Variants in ROBO1 observed in about 807,000 individuals in gnomAD.
ROBO1 encodes roundabout homolog 1.
ROBO1 carries 149 observed loss-of-function variants against 195.9 expected under a neutral mutation model. That is an observed-to-expected ratio of 0.76 (90% CI 0.67 to 0.87). The LOEUF (loss-of-function observed/expected upper bound fraction) is 0.87, where lower values mean the gene tolerates loss of function less well. Among genes scored for constraint, ROBO1 ranks in the 40% least tolerant of loss-of-function variants. The pLI is 0.00. For missense variants in ROBO1, 1,933 were observed against 2,068.3 expected (o/e 0.93, Z 1.27); for synonymous variants, 816 against 733.2 (o/e 1.11, Z -1.82).
At chr3:78,932,448 G>A (rs1025978928) in intron 4 of ROBO1, among the ~76,000 whole-genome samples, 8 of 152,098 alleles carry the variant, frequency 5.3e-5, no homozygotes, top group South Asian at 2.1e-4. Context: ...AATAAAATAC[G>A]TCACCCTTAA....
At chr3:79,577,781 G>A (rs1376460947) in intron 2 of ROBO1, among the ~76,000 whole-genome samples, 2 of 151,210 alleles carry the variant, frequency 1.3e-5, no homozygotes, top group East Asian at 1.9e-4. Context: ...GCATGGTGGC[G>A]GGAGCCTGTA....
chr3:78,779,815 T>C (rs568475766), intron 4 of ROBO1, among the ~76,000 whole-genome samples: 4 of 152,310 alleles, frequency 2.6e-5, no homozygotes, highest in South Asian at 2.1e-4. Flanking sequence ...CATATGTTTA[T>C]TGCAACACTG....
At chr3:79,125,579 T>C in intron 2 of ROBO1, 40 bp from the exon 3 acceptor site, 2 of 1,470,368 alleles carry the variant, frequency 1.4e-6, no homozygotes, top group Non-Finnish European at 1.9e-6. Context: ...GGGGTCACAG[T>C]AGTAACAGTA....
chr3:79,659,620 A>C (rs920367227), intron 1 of ROBO1, among the ~76,000 whole-genome samples: 2 of 146,160 alleles, frequency 1.4e-5, no homozygotes, highest in Admixed American at 1.4e-4. Context: ...AGAAAAAAAA[A>C]ACACAATATT....
At chr3:78,827,244 T>C (rs1454878680) in intron 4 of ROBO1, among the ~76,000 whole-genome samples, 7 of 152,224 alleles carry the variant, frequency 4.6e-5, no homozygotes, top group Admixed American at 4.6e-4. Context: ...ATGATTAAAC[T>C]ATATATTTTA....
In ROBO1 at chr3:78,945,269, C is replaced by G. The variant is rs549230540; in HGVS notation, c.173-6342G>C. ...AGTAGCCTAACTGGGAGGCACCCCC[C>G]AGTAGGGGCGGACTGACACCTCACA... On this transcript the variant is annotated intron_variant, in intron 3 of 30. Transcript: ENST00000464233. Among the ~76,000 whole-genome samples the G allele has an allele frequency of 3.8e-3, 581 of 152,282 alleles. 2 individuals are homozygous for G. The highest frequency in any genetic ancestry group is 0.014 in the African/African-American group (564 of 41,544).
intron 2 of ROBO1, among the ~76,000 whole-genome samples, chr3:79,566,446 T>G (rs905002053): frequency 6.6e-6 from 1 of 152,142 alleles, no homozygotes; most frequent in African/African-American, 2.4e-5. Context: ...AGTCTGGATT[T>G]AGTTAAATGT....
chr3:78,679,386 G>T (rs926328969), intron 10 of ROBO1, among the ~76,000 whole-genome samples: 13 of 152,266 alleles, frequency 8.5e-5, no homozygotes, highest in African/African-American at 2.6e-4. Context: ...AAGTCAAATT[G>T]TCCCTGTTTG....
At chr3:78,683,369 T>A (rs2080976546) in intron 10 of ROBO1, among the ~76,000 whole-genome samples, 1 of 152,084 alleles carries the variant, frequency 6.6e-6, no homozygotes, top group African/African-American at 2.4e-5. Flanking sequence ...TATTCAGATT[T>A]TTTTGTTTGT....
rs866258453 is a variant in ROBO1 at position 79,315,258 on chromosome 3, A to G, written c.89-189719T>C. 1.0e-3 allele frequency among the ~76,000 whole-genome samples: 153 copies of G among 152,300 alleles called. 1 individual carries two copies. The highest frequency in any genetic ancestry group is 3.1e-3 in the African/African-American group (127 of 41,576). Reference sequence around the variant, plus strand: ...GGAGTTCAGTACCAGCCTGGGCCACAAAGGGTGATCTCATCTTTATAAGAA... The same window carrying G: ...GGAGTTCAGTACCAGCCTGGGCCACGAAGGGTGATCTCATCTTTATAAGAA... On this transcript the variant is annotated intron_variant, in intron 2 of 30. Coordinates refer to ENST00000464233, the MANE Select transcript of ROBO1 (RefSeq NM_002941.4).
rs1293860349 is a variant in ROBO1, at chr3:78,767,744, T to C, written c.500-20844A>G. On this transcript the variant is annotated intron_variant, in intron 4 of 30. Coordinates refer to ENST00000464233, the MANE Select transcript of ROBO1 (RefSeq NM_002941.4). The stretch of plus-strand genomic sequence containing the variant: ...TTCATAGTAACCTCAAATGATCTTT[T>C]GTATTTCAGTGGTGTCAGTTATAGT... Among the ~76,000 whole-genome samples, 4 of 152,176 alleles carry C rather than the reference T, an allele frequency of 2.6e-5. No individual in the cohort carries two copies. In the East Asian group the frequency reaches 7.7e-4, roughly 29 times the overall value.
chr3:79,254,225 TA>T (rs2082784709), intron 2 of ROBO1, among the ~76,000 whole-genome samples: 1 of 152,208 alleles, frequency 6.6e-6, no homozygotes, highest in Non-Finnish European at 1.5e-5. Flanking sequence ...TTATGTTTGA[TA>T]TCAACAATAT....
chr3:79,316,183 T>C (rs891898611), intron 2 of ROBO1, among the ~76,000 whole-genome samples: 1 of 152,134 alleles, frequency 6.6e-6, no homozygotes, highest in Non-Finnish European at 1.5e-5. Context: ...AAGGAGATGA[T>C]TGGTTTTCTT....
Position 78,597,667 on chromosome 3 carries a change from A to C in ROBO1, c.*1246T>G, listed in dbSNP as rs894625402. The C allele has an allele frequency of 2.6e-5, 4 of 152,304 alleles. No homozygotes were observed. The highest frequency in any genetic ancestry group is 4.4e-5 in the Non-Finnish European group (3 of 68,004). The allele number at this position is 152,304 out of a possible 1,614,324, so 9.4% of individuals were successfully genotyped here. On this transcript the variant is annotated 3_prime_UTR_variant, in exon 31 of 31. Transcript: ENST00000464233. Reference sequence around the variant, plus strand: ...TGAAAGCAAGTAATGCCTCTATTAGAGATTTTAAGGAAATCTTGTAGGTTT... The same window carrying C: ...TGAAAGCAAGTAATGCCTCTATTAGCGATTTTAAGGAAATCTTGTAGGTTT...
intron 4 of ROBO1, among the ~76,000 whole-genome samples, chr3:78,884,603 GAGAA>G (rs1213591891): frequency 7.8e-6 from 1 of 128,862 alleles, no homozygotes; most frequent in South Asian, 2.4e-4. Flanking sequence ...GAAAGAAAGA[GAGAA>G]AGAGAGAAAG....
At chr3:79,284,088 G>T (rs2031726687) in intron 2 of ROBO1, among the ~76,000 whole-genome samples, 1 of 151,732 alleles carries the variant, frequency 6.6e-6, no homozygotes. Flanking sequence ...GTATATATAT[G>T]CATGTATATA....
chr3:78,743,841 T>G (rs1049475577), intron 5 of ROBO1, among the ~76,000 whole-genome samples: 4 of 152,094 alleles, frequency 2.6e-5, no homozygotes, highest in Admixed American at 2.6e-4. Flanking sequence ...TTAATTTCTT[T>G]AATTGTCACT....
rs143189968 is a variant in ROBO1, at chr3:78,677,449, C to T, written c.1343-7148G>A. On this transcript the variant is annotated intron_variant, in intron 10 of 30. Coordinates refer to ENST00000464233, the MANE Select transcript of ROBO1 (RefSeq NM_002941.4). ...AACCCATCTCACATGCAGAGACACA[C>T]ACAGGCTCAAAATAAAAGGATGGAG... Among the ~76,000 whole-genome samples, 348 of 152,128 alleles carry T rather than the reference C, an allele frequency of 2.3e-3. 8 individuals carry two copies. The highest frequency in any genetic ancestry group is 3.4e-3 in the Middle Eastern group (1 of 294).
chr3:78,813,798 T>A (rs1409215156), intron 4 of ROBO1, among the ~76,000 whole-genome samples: 1 of 152,062 alleles, frequency 6.6e-6, no homozygotes. Context: ...ATAATAGTTA[T>A]CATTTATTGA....
Sources: allele counts gnomAD v4.1 joint callset (sites outside exome capture counted in the v4.1 genomes callset), GRCh38; gene constraint gnomAD v4.1.1; transcripts MANE v1.5; gene names NCBI Gene and HGNC (gene_info 2026-07-23, HGNC 2026-07-21).